The following NCK2 variants were observed in gnomAD, a reference collection of about 807,000 sequenced individuals.
NCK2 encodes the protein cytoplasmic protein NCK2.
NCK2 carries 16 observed loss-of-function variants against 33.9 expected under a neutral mutation model. That is an observed-to-expected ratio of 0.47 (90% CI 0.32 to 0.72). NCK2 has a LOEUF of 0.72. NCK2 is among the 30% of genes least tolerant of loss of function. The probability of loss-of-function intolerance (pLI) is 0.03; values close to 1 mark genes in which losing one functional copy is unlikely to be tolerated. For synonymous variants in NCK2, 273 were observed against 239.9 expected, an observed-to-expected ratio of 1.14 and a Z score of -1.27; for missense variants, 418 against 537.3, an observed-to-expected ratio of 0.78 and a Z score of 2.19.
chr2:105,794,695 T>TTTTATTTA (rs72401438), intron 1 of NCK2, among the ~76,000 whole-genome samples: 1 of 148,130 alleles, frequency 6.8e-6, no homozygotes, highest in East Asian at 2.0e-4. Flanking sequence ...TAGTTTATTA[T>TTTTATTTA]TTTATTTATT....
intron 2 of NCK2, among the ~76,000 whole-genome samples, chr2:105,844,270 G>A (rs2377340): frequency 0.2 from 30,033 of 152,132 alleles, 3,637 homozygotes; most frequent in East Asian, 0.32. Flanking sequence ...GTGGGATCCT[G>A]GGTGGGATCT....
At chr2:105,774,286 G>T (rs565849840) in intron 1 of NCK2, among the ~76,000 whole-genome samples, 1 of 152,110 alleles carries the variant, frequency 6.6e-6, no homozygotes, top group Non-Finnish European at 1.5e-5. Context: ...TGGGATTACA[G>T]GTGTGAGCCA....
At chr2:105,762,191 A>G (rs954979731) in intron 1 of NCK2, among the ~76,000 whole-genome samples, 3 of 152,196 alleles carry the variant, frequency 2.0e-5, no homozygotes, top group African/African-American at 7.2e-5. Flanking sequence ...TTCTGTGCGT[A>G]AGAGTGGGCT....
intron 3 of NCK2, among the ~76,000 whole-genome samples, chr2:105,856,111 G>C (rs1677257566): frequency 1.3e-5 from 2 of 152,188 alleles, no homozygotes; most frequent in African/African-American, 4.8e-5. Flanking sequence ...TGGGATTACA[G>C]GCGTGAGCCA....
chr2:105,848,916 A>G (rs1446559097), intron 2 of NCK2, among the ~76,000 whole-genome samples: 1 of 152,200 alleles, frequency 6.6e-6, no homozygotes, highest in Non-Finnish European at 1.5e-5. Context: ...TATTTTTCAT[A>G]TAGACTCAAT....
At chr2:105,804,141 G>A (rs1377289674) in intron 1 of NCK2, among the ~76,000 whole-genome samples, 1 of 152,188 alleles carries the variant, frequency 6.6e-6, no homozygotes, top group South Asian at 2.1e-4. Flanking sequence ...GGTGTACTCT[G>A]TAAGGGGTTG....
chr2:105,831,659 C>G (rs572092735), intron 2 of NCK2, among the ~76,000 whole-genome samples: 2 of 152,254 alleles, frequency 1.3e-5, no homozygotes, highest in Non-Finnish European at 2.9e-5. Context: ...CTCCTTTTCC[C>G]TAATCTATGT....
At chr2:105,833,000 C>CTTTT (rs35726815) in intron 2 of NCK2, among the ~76,000 whole-genome samples, 1 of 132,132 alleles carries the variant, frequency 7.6e-6, no homozygotes. Flanking sequence ...TGTTGGGAGA[C>CTTTT]TTTTTTTTTT....
At position 105,776,239 on chromosome 2, in the gene NCK2, G is replaced by A. The variant is rs547484439; in HGVS notation, c.-201+31101G>A. Among the ~76,000 whole-genome samples, 9 of 152,352 alleles carry A rather than the reference G, an allele frequency of 5.9e-5. No homozygotes were observed. The South Asian group carries it at 1.0e-3, about 18-fold the overall frequency. On this transcript the variant is annotated intron_variant, in intron 1 of 4. Coordinates refer to ENST00000233154, the MANE Select transcript of NCK2 (RefSeq NM_003581.5). ...GGGACACCCCAACTTCCGTCCCAGC[G>A]ACAGAAACCGTACATCCTGGGTTTT...
At chr2:105,852,657 T>C (rs1165174744) in intron 2 of NCK2, among the ~76,000 whole-genome samples, 1 of 152,174 alleles carries the variant, frequency 6.6e-6, no homozygotes, top group African/African-American at 2.4e-5. Context: ...CTTGTGGAAA[T>C]TGTGTAATTA....
chr2:105,815,990 C>T (rs1450628987), intron 1 of NCK2, among the ~76,000 whole-genome samples: 1 of 152,172 alleles, frequency 6.6e-6, no homozygotes, highest in African/African-American at 2.4e-5. Context: ...CCTCCTTCCA[C>T]CTGCTGTTCA....
intron 3 of NCK2, among the ~76,000 whole-genome samples, chr2:105,860,937 A>G (rs2104600642): frequency 6.6e-6 from 1 of 151,456 alleles, no homozygotes; most frequent in East Asian, 1.9e-4. Context: ...TGGAGCCCCA[A>G]GGGCACTATT....
intron 1 of NCK2, among the ~76,000 whole-genome samples, chr2:105,766,933 G>A (rs144444624): frequency 0.014 from 2,066 of 152,332 alleles, 29 homozygotes; most frequent in Non-Finnish European, 0.016. Context: ...CCTGTGCAGT[G>A]TTGGTGAAAC....
At chr2:105,763,905 C>T (rs979513897) in intron 1 of NCK2, among the ~76,000 whole-genome samples, 4 of 152,216 alleles carry the variant, frequency 2.6e-5, no homozygotes, top group Admixed American at 1.3e-4. Context: ...AGTTCCCTTA[C>T]GATGATGGAC....
At chr2:105,835,598 A>G (rs932430304) in intron 2 of NCK2, among the ~76,000 whole-genome samples, 9 of 151,020 alleles carry the variant, frequency 6.0e-5, no homozygotes, top group African/African-American at 1.7e-4. Flanking sequence ...TTGAACTGCA[A>G]TGTGCCTTGG....
At chr2:105,764,765 G>A (rs1437444163) in intron 1 of NCK2, among the ~76,000 whole-genome samples, 2 of 152,206 alleles carry the variant, frequency 1.3e-5, no homozygotes, top group African/African-American at 4.8e-5. Flanking sequence ...TCCTGAAAGA[G>A]AAACTTTTCA....
intron 4 of NCK2, among the ~76,000 whole-genome samples, chr2:105,887,879 A>G (rs755308518): frequency 3.3e-5 from 5 of 152,184 alleles, no homozygotes; most frequent in Admixed American, 6.5e-5. Context: ...TGTGCTCTCT[A>G]CTGTTCTTTT....
At chr2:105,849,650 G>C (rs1676987203) in intron 2 of NCK2, among the ~76,000 whole-genome samples, 1 of 152,152 alleles carries the variant, frequency 6.6e-6, no homozygotes, top group South Asian at 2.1e-4. Context: ...AGTCAGACAA[G>C]AGGGCTAGGA....
At chr2:105,765,636 T>G (rs2104365473) in intron 1 of NCK2, among the ~76,000 whole-genome samples, 1 of 151,482 alleles carries the variant, frequency 6.6e-6, no homozygotes, top group Admixed American at 6.6e-5. Context: ...GGTCGCTGGC[T>G]AAAACAGAGA....
Sources: allele counts gnomAD v4.1 joint callset (sites outside exome capture counted in the v4.1 genomes callset), GRCh38; gene constraint gnomAD v4.1.1; transcripts MANE v1.5; gene names NCBI Gene and HGNC (gene_info 2026-07-23, HGNC 2026-07-21).